Variants in BOD1L1 observed in about 807,000 individuals in gnomAD.
BOD1L1 encodes the protein biorientation of chromosomes in cell division 1 like 1, also known as biorientation of chromosomes in cell division protein 1-like 1.
A neutral mutation model predicts 240.7 loss-of-function variants in BOD1L1; 86 were observed. That is an observed-to-expected ratio of 0.36 (90% CI 0.30 to 0.43). The LOEUF is 0.43. Among genes scored for constraint, BOD1L1 ranks in the 20% least tolerant of loss-of-function variants. The pLI is 1.00. For synonymous variants in BOD1L1, 1,268 were observed against 1,272.3 expected, an observed-to-expected ratio of 1.00 and a Z score of 0.07; for missense variants, 3,554 against 3,643.5, an observed-to-expected ratio of 0.98 and a Z score of 0.63.
At chr4:13,627,074 C>T (rs1717450502) in intron 1 of BOD1L1, among the ~76,000 whole-genome samples, 1 of 152,236 alleles carries the variant, frequency 6.6e-6, no homozygotes, top group Non-Finnish European at 1.5e-5. Flanking sequence ...GTTAGCGCCA[C>T]TGTTTCCAAA....
chr4:13,577,682 A>C (rs1356658939), intron 22 of BOD1L1, 51 bp from the exon 23 acceptor site: 2 of 1,350,058 alleles, frequency 1.5e-6, no homozygotes, highest in Non-Finnish European at 2.1e-6. Context: ...TGTAAATTTA[A>C]ATTTCAACAA....
rs746348930 is a variant in BOD1L1, at chr4:13,620,013, C to T, written c.298G>A (p.Ala100Thr). 1.1e-5 allele frequency: 17 copies of T among 1,611,130 alleles called. No homozygotes were observed. The highest frequency in any genetic ancestry group is 6.8e-6 in the Non-Finnish European group (8 of 1,178,556). ...RVDNFVANHLATHTWSPHLNK... is the reference protein window; with the variant it reads ...RVDNFVANHLTTHTWSPHLNK... ...AGATGCGGACTCCATGTGTGAGTTG[C>T]CAAGTGATTTGCAACAAAGTTGTCA... is the stretch of plus-strand genomic sequence containing the variant. Residue 100 changes from alanine (A) to threonine (T), a missense_variant, in exon 2 of 26, where the codon GCA becomes ACA. By Grantham distance (58) the Ala-to-Thr change is moderately conservative (BLOSUM62 0). Around this residue, in one of 2 missense-constraint regions of BOD1L1, gnomAD observed 161 missense variants for 216.4 expected, o/e 0.74. Coordinates refer to ENST00000040738, the MANE Select transcript of BOD1L1 (RefSeq NM_148894.3).
At chr4:13,605,125 T>G (rs1343210326) in intron 9 of BOD1L1, 41 bp from the exon 10 acceptor site, 1 of 1,416,766 alleles carries the variant, frequency 7.1e-7, no homozygotes, top group East Asian at 2.5e-5. Flanking sequence ...AATACCAAAA[T>G]CAATTTTTAG....
Position 13,577,045 on chromosome 4 carries a change from A to G in BOD1L1, c.8885-54T>C, listed in dbSNP as rs1577310304. ...TTTTACAATTCCCAAAGATACTTCC[A>G]AGAGAGAGAGTCATGGAGTTTAGAA... On this transcript the variant is annotated intron_variant, in intron 24 of 25. Coordinates refer to ENST00000040738, the MANE Select transcript of BOD1L1 (RefSeq NM_148894.3). 3 of 1,586,108 alleles carry G rather than the reference A, an allele frequency of 1.9e-6. No homozygotes were observed. In the Admixed American group the frequency reaches 5.3e-5, roughly 28 times the overall value.
intron 25 of BOD1L1, among the ~76,000 whole-genome samples, chr4:13,576,044 A>C (rs2108881470): frequency 6.6e-6 from 1 of 151,940 alleles, no homozygotes; most frequent in Middle Eastern, 3.4e-3. Flanking sequence ...CTGGGATTAC[A>C]GGCACTCACC....
At chr4:13,579,897 T>A (rs36122645) in intron 22 of BOD1L1, 31 bp downstream of exon 22, 47 of 1,531,304 alleles carry the variant, frequency 3.1e-5, no homozygotes, top group Admixed American at 8.0e-5. Context: ...CTCCCTCAGA[T>A]AACACACAGA....
At chr4:13,608,808 A>G (rs1715934466) in intron 7 of BOD1L1, 140 bp from the exon 8 acceptor site, 1 of 638,036 alleles carries the variant, frequency 1.6e-6, no homozygotes, top group South Asian at 3.5e-5. Context: ...GAATAGATAT[A>G]ATATTTTGGA....
At position 13,591,939 on chromosome 4, in the gene BOD1L1, A is replaced by G; in HGVS notation, c.8132T>C (p.Val2711Ala). 6.4e-7 allele frequency: 1 copy of G among 1,565,258 alleles called. No individual in the cohort carries two copies. The highest frequency in any genetic ancestry group is 8.7e-7 in the Non-Finnish European group (1 of 1,154,822). ...GTGACTTACATTTAGTGATTCATTC[A>G]CCAACAAAGGCTCCCTCTGGAGTTC... ...IAELQREPLL[V>A]NESLNVENSG... Residue 2711 changes from valine (V) to alanine (A), a missense_variant, in exon 13 of 26, where the codon GTG becomes GCG. Physicochemically the swap from Val to Ala is moderately conservative, Grantham distance 64. This residue lies in a region of BOD1L1 where 3,393 missense variants were observed against 3,427.1 expected (regional missense o/e 0.99). Coordinates refer to ENST00000040738, the MANE Select transcript of BOD1L1 (RefSeq NM_148894.3).
chr4:13,624,538 C>T (rs1717253674), intron 1 of BOD1L1: 1 of 152,218 alleles, frequency 6.6e-6, no homozygotes, highest in South Asian at 2.1e-4. Flanking sequence ...CCTGCCTCAG[C>T]CTCCCGAGTA....
At position 13,599,452 on chromosome 4, in the gene BOD1L1, C is replaced by G. The variant is rs779241548; in HGVS notation, c.7448G>C (p.Gly2483Ala). 4 of 1,614,018 alleles carry G rather than the reference C, an allele frequency of 2.5e-6. No individual in the cohort carries two copies. The highest frequency in any genetic ancestry group is 3.4e-6 in the Non-Finnish European group (4 of 1,179,870). Residue 2483 changes from glycine (G) to alanine (A), a missense_variant, in exon 10 of 26, where the codon GGC (glycine) becomes GCC (alanine). Gly to Ala is a moderately conservative substitution (Grantham distance 60, BLOSUM62 0). This residue lies in a region of BOD1L1 where 3,393 missense variants were observed against 3,427.1 expected (regional missense o/e 0.99). Coordinates refer to ENST00000040738, the MANE Select transcript of BOD1L1 (RefSeq NM_148894.3). The part of the protein sequence containing the change: ...DKSPETGTAG[G>A]SSTASYSAGR... ...TGCTGAATAACTTGCTGTGCTACTG[C>G]CCCCTGCTGTCCCTGTCTCTGGGCT...
intron 18 of BOD1L1, among the ~76,000 whole-genome samples, 159 bp from the exon 19 acceptor site, chr4:13,582,469 A>G (rs962126244): frequency 6.6e-6 from 1 of 152,206 alleles, no homozygotes; most frequent in Non-Finnish European, 1.5e-5. Context: ...GGTGACTAGT[A>G]AACAGCACAC....
At position 13,609,370 on chromosome 4, in the gene BOD1L1, T is replaced by C. The variant is rs1241489336; in HGVS notation, c.1528A>G (p.Ile510Val). The C allele has an allele frequency of 6.5e-7, 1 of 1,542,080 alleles. No homozygotes were observed. Among genetic ancestry groups the C allele is most frequent in the South Asian group, 1.3e-5 (1 of 77,940 alleles). ...EKEERLLRRQ[I>V]NREKLEEKRK... ...TTTTCTTCAAGTTTTTCTCTATTGA[T>C]TTGCCTTCTTAAAAGCCTCTCTTCT... Residue 510 changes from isoleucine to valine, a missense_variant, in exon 7 of 26, where the codon ATC becomes GTC. Physicochemically the swap from Ile to Val is conservative, Grantham distance 29. Coordinates refer to ENST00000040738, the MANE Select transcript of BOD1L1 (RefSeq NM_148894.3).
Position 13,613,811 on chromosome 4 carries a change from G to A in BOD1L1, c.1175-150C>T. The stretch of plus-strand genomic sequence containing the variant: ...CAGAGTGGTTTCCAGAAAATACAAA[G>A]GCAAAGTAGACTTCTGTAAAAATAA... On this transcript the variant is annotated intron_variant, in intron 4 of 25. Coordinates refer to ENST00000040738, the MANE Select transcript of BOD1L1 (RefSeq NM_148894.3). The surrounding 1 kb of genome is among the most constrained non-coding windows in gnomAD (Gnocchi z 4.0). 2 of 491,510 alleles carry A rather than the reference G, an allele frequency of 4.1e-6. No homozygotes were observed. The highest frequency in any genetic ancestry group is 6.7e-6 in the Non-Finnish European group (2 of 299,678). 30.4% of individuals were successfully genotyped at this position (491,510 alleles called of 1,614,324 possible).
At chr4:13,582,126 G>A (rs534342020) in intron 19 of BOD1L1, 111 bp downstream of exon 19, 11 of 809,138 alleles carry the variant, frequency 1.4e-5, no homozygotes, top group South Asian at 5.5e-5. Context: ...TAAAAAAACC[G>A]CAGCTTCTTC....
At chr4:13,585,780 T>A (rs1181005490) in intron 17 of BOD1L1, among the ~76,000 whole-genome samples, 1 of 152,166 alleles carries the variant, frequency 6.6e-6, no homozygotes. Flanking sequence ...CTCCTGACAG[T>A]GAATAAGTCT....
rs1465906563 is a variant in BOD1L1 at position 13,603,528 on chromosome 4, A to G, written c.3372T>C (p.Ser1124=). The part of the protein sequence containing the change: ...IPEQEPMEID[S]EPGVENVFEV... ...CAAACACATTTTCAACACCTGGCTC[A>G]GAATCAATTTCCATTGGCTCTTGTT... Residue 1124 remains serine, a synonymous_variant, in exon 10 of 26, where the codon TCT becomes TCC. Coordinates refer to ENST00000040738, the MANE Select transcript of BOD1L1 (RefSeq NM_148894.3). The G allele has an allele frequency of 8.7e-6, 14 of 1,613,926 alleles. No homozygotes were observed. Among genetic ancestry groups the G allele is most frequent in the Non-Finnish European group, 1.2e-5 (14 of 1,179,904 alleles).
chr4:13,591,349 A>C (rs1425115389), intron 13 of BOD1L1, among the ~76,000 whole-genome samples: 1 of 152,206 alleles, frequency 6.6e-6, no homozygotes, highest in Non-Finnish European at 1.5e-5. Context: ...CGGTTCACTG[A>C]TAGTACCCCA....
intron 17 of BOD1L1, among the ~76,000 whole-genome samples, chr4:13,585,354 G>A (rs534485024): frequency 9.2e-5 from 14 of 152,146 alleles, no homozygotes; most frequent in East Asian, 5.8e-4. Context: ...GGAATAAGGC[G>A]TCTAATAATT....
chr4:13,588,012 C>T (rs1484164783), intron 15 of BOD1L1, among the ~76,000 whole-genome samples: 2 of 152,012 alleles, frequency 1.3e-5, no homozygotes, highest in Non-Finnish European at 2.9e-5. Context: ...GGTGAAACCC[C>T]GTCTCTACTA....
Sources: gnomAD v4.1 joint callset for allele counts (sites outside exome capture counted in the v4.1 genomes callset) on GRCh38, gnomAD v4.1.1 for gene constraint, gnomAD v4.1.1 regional missense constraint, Gnocchi (gnomAD v3.1) non-coding constraint, MANE v1.5 for transcripts, NCBI Gene and HGNC (gene_info 2026-07-23, HGNC 2026-07-21) for gene names.